MYO1C: variants seen among roughly 807,000 people sequenced by gnomAD.
The protein encoded by MYO1C is myosin IC, also known as unconventional myosin-Ic.
MYO1C carries 104 observed loss-of-function variants against 150.8 expected under a neutral mutation model. The ratio of observed to expected loss-of-function variants is 0.69; its 90% CI spans 0.59 to 0.81. The LOEUF is 0.81. MYO1C is among the 30% of genes least tolerant of loss of function. The probability of loss-of-function intolerance (pLI) is 0.00; values close to 1 mark genes in which losing one functional copy is unlikely to be tolerated. For synonymous variants in MYO1C, 663 were observed against 579.9 expected (o/e 1.14, Z -2.06); for missense variants, 1,504 against 1,435.0 (o/e 1.05, Z -0.78).
At chr17:1,467,423 G>A in intron 30 of MYO1C, 57 bp downstream of exon 30, 1 of 1,597,802 alleles carries the variant, frequency 6.3e-7, no homozygotes, top group African/African-American at 1.3e-5. Flanking sequence ...GTCCCTGGGT[G>A]CCCACACAGC....
intron 24 of MYO1C, 22 bp from the exon 25 acceptor site, chr17:1,469,636 G>C (rs766998215): frequency 1.3e-5 from 20 of 1,578,012 alleles, no homozygotes; most frequent in Non-Finnish European, 1.6e-5. Context: ...AGTGAGGTCA[G>C]AGGTCCTGGA....
chr17:1,491,734 G>A (rs2074737602), intron 1 of MYO1C: 2 of 795,014 alleles, frequency 2.5e-6, no homozygotes, highest in Admixed American at 1.3e-4. Flanking sequence ...CCCGGGCAGG[G>A]CCGCGCACCC....
At chr17:1,473,701 G>A (rs1472968534) in intron 17 of MYO1C, among the ~76,000 whole-genome samples, 1 of 152,052 alleles carries the variant, frequency 6.6e-6, no homozygotes, top group African/African-American at 2.4e-5. Context: ...CCTTTCCCCC[G>A]GTCCTTCTCC....
In MYO1C at chr17:1,478,447, G is replaced by A. The variant is rs2074445105; in HGVS notation, c.1258C>T (p.Leu420=). The A allele has an allele frequency of 1.2e-6, 2 of 1,614,200 alleles. No individual in the cohort carries two copies. The highest frequency in any genetic ancestry group is 1.7e-6 in the Non-Finnish European group (2 of 1,180,038). ...SWRSTTVLGL[L]DIYGFEVFQH... is the part of the protein sequence containing the mutation. ...AACACTTCAAAGCCATAAATATCCA[G>A]GAGCCCGAGAACCGTGGTGCTCCGC... Residue 420 remains leucine, a synonymous_variant, in exon 11 of 32, where the codon CTG becomes TTG. Transcript: ENST00000648651. The surrounding 1 kb of genome is among the most constrained non-coding windows in gnomAD (Gnocchi z 6.3).
At chr17:1,484,678 C>T (rs903975590) in intron 1 of MYO1C, 3 of 423,622 alleles carry the variant, frequency 7.1e-6, no homozygotes, top group South Asian at 6.3e-5. Flanking sequence ...AGAAGGAACT[C>T]CTTGAAATAG....
Position 1,472,021 on chromosome 17 carries a change from C to A in MYO1C, c.1907G>T (p.Arg636Leu), listed in dbSNP as rs547698769. 1 of 1,614,014 alleles carries A rather than the reference C, an allele frequency of 6.2e-7. No homozygotes were observed. Among genetic ancestry groups the A allele is most frequent in the Non-Finnish European group, 8.5e-7 (1 of 1,179,970 alleles). Residue 636 changes from arginine to leucine, a missense_variant, in exon 19 of 32, where the codon CGC (arginine) becomes CTC (leucine). Coordinates refer to ENST00000648651, the MANE Select transcript of MYO1C (RefSeq NM_001080779.2). ...GTGGCGGATCAGCACCTCGTCAAAG[C>A]GGCCTGGGGTAGGGGGAGCGCCGTG... is the stretch of plus-strand genomic sequence containing the variant. ...IKPNDAKQPG[R>L]FDEVLIRHQV...
At position 1,478,078 on chromosome 17, in the gene MYO1C, A is replaced by G. The variant is rs763714906; in HGVS notation, c.1401+9T>C. The G allele has an allele frequency of 8.7e-6, 14 of 1,613,912 alleles. No individual in the cohort carries two copies. The highest frequency in any genetic ancestry group is 1.6e-4 in the Middle Eastern group (1 of 6,062). ...GGCCCACGGAGAGTGCCCCCAGGCT[A>G]GCACACACCGCGATGCCCTCTGCCT... On this transcript the variant is annotated intron_variant, in intron 12 of 31. Transcript: ENST00000648651. This position sits in a 1 kb window ranked among gnomAD's most constrained non-coding sequence, Gnocchi z 6.3.
At chr17:1,484,619 G>A (rs973896416) in intron 1 of MYO1C, 1 of 529,286 alleles carries the variant, frequency 1.9e-6, no homozygotes, top group Non-Finnish European at 3.4e-6. Context: ...AGGACCAGAG[G>A]GCAGAACCCG....
Position 1,464,339 on chromosome 17 carries a change from CT to C in MYO1C, c.*1386del, listed in dbSNP as rs1477145349. 6.6e-6 allele frequency: 1 copy of C among 152,624 alleles called. No individual in the cohort carries two copies. Among genetic ancestry groups the C allele is most frequent in the East Asian group, 1.9e-4 (1 of 5,196 alleles). 9.5% of individuals were successfully genotyped at this position (152,624 alleles called of 1,614,324 possible). A position where few individuals can be genotyped will look rare whatever the true frequency, so the allele number is the denominator to read the frequency against. ...GAAGCAGCAGAAGGAGGTGATGCCC[CT>C]GCCGCTCCTCCCAAGGCCAGCCCCG... On this transcript the variant is annotated 3_prime_UTR_variant, in exon 32 of 32. Coordinates refer to ENST00000648651, the MANE Select transcript of MYO1C (RefSeq NM_001080779.2).
intron 1 of MYO1C, among the ~76,000 whole-genome samples, chr17:1,490,546 C>T (rs2074717961): frequency 6.6e-6 from 1 of 152,122 alleles, no homozygotes; most frequent in Admixed American, 6.5e-5. Context: ...TCACCTCCAT[C>T]ACTGCTCCTT....
intron 21 of MYO1C, 37 bp downstream of exon 21, chr17:1,471,034 G>C: frequency 1.2e-6 from 2 of 1,601,190 alleles, no homozygotes; most frequent in Non-Finnish European, 1.7e-6. Flanking sequence ...TCCCAGAAGG[G>C]ACCCCGTGCA....
At chr17:1,489,419 A>T (rs1378151066) in intron 1 of MYO1C, among the ~76,000 whole-genome samples, 1 of 152,240 alleles carries the variant, frequency 6.6e-6, no homozygotes, top group Non-Finnish European at 1.5e-5. Flanking sequence ...TCACACCTGT[A>T]ACCCCAGAAC....
intron 1 of MYO1C, chr17:1,485,797 G>A (rs2074643490): frequency 4.5e-5 from 29 of 649,800 alleles, no homozygotes; most frequent in East Asian, 1.4e-4. Context: ...CAGCGAGGGA[G>A]GGCCCGCCCC....
At chr17:1,481,036 C>T in intron 5 of MYO1C, 151 bp from the exon 6 acceptor site, 2 of 736,590 alleles carry the variant, frequency 2.7e-6, no homozygotes, top group Non-Finnish European at 2.2e-6. Flanking sequence ...AGGCACGCCA[C>T]CCACGCTGGA....
chr17:1,475,184 G>A, intron 14 of MYO1C, 152 bp from the exon 15 acceptor site: 1 of 743,048 alleles, frequency 1.3e-6, no homozygotes, highest in Admixed American at 2.0e-5. Context: ...AGTTGGGGAG[G>A]CCGAGGTGGG....
intron 1 of MYO1C, among the ~76,000 whole-genome samples, chr17:1,487,377 C>G (rs1002486331): frequency 6.6e-6 from 1 of 152,252 alleles, no homozygotes; most frequent in Non-Finnish European, 1.5e-5. Flanking sequence ...AAAGCCCCAG[C>G]GCCCCACCCC....
intron 26 of MYO1C, 43 bp downstream of exon 26, chr17:1,468,360 G>T (rs755260660): frequency 6.2e-7 from 1 of 1,613,550 alleles, no homozygotes; most frequent in Non-Finnish European, 8.5e-7. Flanking sequence ...GGGGGACCAG[G>T]ATGGTGACGA....
Position 1,479,543 on chromosome 17 carries a change from A to ACCCCCCCCCCCCCCCCCCCCCCCCCC in MYO1C, c.1021-42_1021-41insGGGGGGGGGGGGGGGGGGGGGGGGGG. 1 of 955,584 alleles carries ACCCCCCCCCCCCCCCCCCCCCCCCCC rather than the reference A, an allele frequency of 1.0e-6. No individual in the cohort carries two copies. The highest frequency in any genetic ancestry group is 1.7e-6 in the Non-Finnish European group (1 of 606,030). The allele number at this position is 955,584 out of a possible 1,614,324, so 59.2% of individuals were successfully genotyped here. On this transcript the variant is annotated intron_variant, in intron 8 of 31. Transcript: ENST00000648651. This position sits in a 1 kb window ranked among gnomAD's most constrained non-coding sequence, Gnocchi z 4.2. ...GAGGACACGGTGAGGGTGCACCCCC[A>ACCCCCCCCCCCCCCCCCCCCCCCCCC]GCCCCCGCCCCCGCCGTCCTCCCGT...
chr17:1,467,219 G>A, intron 31 of MYO1C, 23 bp downstream of exon 31: 1 of 1,595,096 alleles, frequency 6.3e-7, no homozygotes. Flanking sequence ...CAGGCCATAA[G>A]CGGGAAAGCA....
Sources: allele counts gnomAD v4.1 joint callset (sites outside exome capture counted in the v4.1 genomes callset), GRCh38; gene constraint gnomAD v4.1.1; non-coding constraint Gnocchi (gnomAD v3.1); transcripts MANE v1.5; gene names NCBI Gene and HGNC (gene_info 2026-07-23, HGNC 2026-07-21).